Variants in UGT8 observed in about 807,000 individuals in gnomAD.
The protein encoded by UGT8 is 2-hydroxyacylsphingosine 1-beta-galactosyltransferase.
In UGT8, 12 loss-of-function variants were observed where a neutral mutation model predicts 40.5. The ratio of observed to expected loss-of-function variants is 0.30; its 90% CI spans 0.19 to 0.48. The LOEUF is 0.48. UGT8 is among the 20% of genes least tolerant of loss of function. The pLI is 0.99. For missense variants in UGT8, 513 were observed against 648.7 expected, an observed-to-expected ratio of 0.79 and a Z score of 2.27; for synonymous variants, 224 against 240.4, an observed-to-expected ratio of 0.93 and a Z score of 0.63.
chr4:114,616,225 C>G (rs1294724979), intron 1 of UGT8, among the ~76,000 whole-genome samples: 1 of 152,202 alleles, frequency 6.6e-6, no homozygotes, highest in Admixed American at 6.5e-5. Flanking sequence ...AGGCAGGCCT[C>G]CTTGAGCTGC....
At chr4:114,602,230 C>T (rs547140273) in intron 1 of UGT8, among the ~76,000 whole-genome samples, 8 of 152,160 alleles carry the variant, frequency 5.3e-5, no homozygotes, top group South Asian at 2.1e-4. Flanking sequence ...AGGCCCAGAT[C>T]GTCTTTGTTT....
At chr4:114,661,529 A>G (rs534117246) in intron 2 of UGT8, among the ~76,000 whole-genome samples, 17 of 152,152 alleles carry the variant, frequency 1.1e-4, no homozygotes, top group Non-Finnish European at 2.2e-4. Flanking sequence ...TGGCTCTTGC[A>G]TCTGTTCATG....
intron 2 of UGT8, among the ~76,000 whole-genome samples, chr4:114,655,024 T>C (rs1734092532): frequency 6.6e-6 from 1 of 152,044 alleles, no homozygotes; most frequent in Non-Finnish European, 1.5e-5. Flanking sequence ...TTTTACAAAA[T>C]AGACCACTTA....
intron 2 of UGT8, among the ~76,000 whole-genome samples, chr4:114,640,584 A>G (rs1733161706): frequency 6.6e-6 from 1 of 152,144 alleles, no homozygotes; most frequent in South Asian, 2.1e-4. Context: ...CACACTGCTG[A>G]TAAAGACATA....
chr4:114,608,921 A>G lies in UGT8; in HGVS notation c.-3+9947A>G, dbSNP rs1035132507. On this transcript the variant is annotated intron_variant, in intron 1 of 5. Transcript: ENST00000310836. ...TAATTGTCCAACTCCCCACTTCCCCATAGACCTTTTATAACAATTAAATCA... is the reference window on the plus strand; with the variant it reads ...TAATTGTCCAACTCCCCACTTCCCCGTAGACCTTTTATAACAATTAAATCA... 5.9e-5 allele frequency among the ~76,000 whole-genome samples: 9 copies of G among 152,332 alleles called. No homozygotes were observed. The South Asian group carries it at 1.9e-3, about 32-fold the overall frequency.
chr4:114,615,049 G>C (rs547698594), intron 1 of UGT8, among the ~76,000 whole-genome samples: 1 of 152,156 alleles, frequency 6.6e-6, no homozygotes, highest in East Asian at 1.9e-4. Flanking sequence ...AAAGATACAT[G>C]TTTAAAACGA....
intron 4 of UGT8, among the ~76,000 whole-genome samples, chr4:114,666,962 C>T (rs1215283481): frequency 1.3e-5 from 2 of 152,140 alleles, no homozygotes; most frequent in African/African-American, 4.8e-5. Flanking sequence ...CTTTCCCCTC[C>T]CCTCGTAGCC....
At chr4:114,651,647 A>T (rs759684991) in intron 2 of UGT8, among the ~76,000 whole-genome samples, 39 of 152,224 alleles carry the variant, frequency 2.6e-4, no homozygotes, top group Middle Eastern at 3.4e-3. Context: ...ATTCTCTGAC[A>T]CCCAGGATTA....
intron 2 of UGT8, among the ~76,000 whole-genome samples, chr4:114,628,294 C>A (rs1181414717): frequency 3.3e-5 from 5 of 151,942 alleles, no homozygotes; most frequent in Admixed American, 2.6e-4. Context: ...TGTATGTCAC[C>A]ACGCCTAGTT....
chr4:114,633,291 C>T (rs553821543), intron 2 of UGT8, among the ~76,000 whole-genome samples: 1 of 152,244 alleles, frequency 6.6e-6, no homozygotes, highest in Non-Finnish European at 1.5e-5. Flanking sequence ...TAATATGATG[C>T]ATATTTCCAA....
intron 2 of UGT8, among the ~76,000 whole-genome samples, chr4:114,626,021 G>T (rs1732192922): frequency 6.6e-6 from 1 of 152,150 alleles, no homozygotes; most frequent in Non-Finnish European, 1.5e-5. Flanking sequence ...TATATAGTAT[G>T]TGGACATAGA....
intron 2 of UGT8, among the ~76,000 whole-genome samples, chr4:114,661,478 T>C (rs897488643): frequency 1.3e-5 from 2 of 152,190 alleles, no homozygotes; most frequent in Non-Finnish European, 2.9e-5. Context: ...AATTTCAAAG[T>C]TTTGCCGTGA....
intron 3 of UGT8, among the ~76,000 whole-genome samples, chr4:114,664,968 T>C (rs1734764392): frequency 6.6e-6 from 1 of 152,208 alleles, no homozygotes; most frequent in Non-Finnish European, 1.5e-5. Context: ...CAGTGATATT[T>C]ATTTTATTCT....
intron 1 of UGT8, among the ~76,000 whole-genome samples, chr4:114,610,000 C>T (rs1242394841): frequency 6.6e-6 from 1 of 152,098 alleles, no homozygotes; most frequent in African/African-American, 2.4e-5. Context: ...GTCTAAGTAT[C>T]TAAGGCTTTA....
At chr4:114,660,831 C>G (rs1023865914) in intron 2 of UGT8, among the ~76,000 whole-genome samples, 4 of 149,008 alleles carry the variant, frequency 2.7e-5, no homozygotes, top group African/African-American at 1.0e-4. Flanking sequence ...GTGGAGCCTG[C>G]AGTAAGCCGA....
intron 2 of UGT8, among the ~76,000 whole-genome samples, chr4:114,633,960 T>C (rs1732734822): frequency 6.6e-6 from 1 of 151,660 alleles, no homozygotes; most frequent in Admixed American, 6.6e-5. Context: ...AAAGGATCAC[T>C]CTGGTTGCTT....
chr4:114,622,854 AGTT>A (rs1560675676), intron 1 of UGT8, 22 bp from the exon 2 acceptor site: 2 of 1,567,570 alleles, frequency 1.3e-6, no homozygotes, highest in South Asian at 2.4e-5. Context: ...TTTTGTTTTA[AGTT>A]GTTTTCTGGT....
At chr4:114,667,548 C>A (rs953402024) in intron 4 of UGT8, among the ~76,000 whole-genome samples, 2 of 152,076 alleles carry the variant, frequency 1.3e-5, no homozygotes, top group Non-Finnish European at 2.9e-5. Context: ...TAAAATTAAA[C>A]CTTAAAATTG....
chr4:114,645,128 T>C (rs1733488154), intron 2 of UGT8, among the ~76,000 whole-genome samples: 1 of 152,118 alleles, frequency 6.6e-6, no homozygotes, highest in African/African-American at 2.4e-5. Flanking sequence ...TTGAAGAACA[T>C]TCAATGAGCA....
Sources: allele counts gnomAD v4.1 joint callset (sites outside exome capture counted in the v4.1 genomes callset), GRCh38; gene constraint gnomAD v4.1.1; transcripts MANE v1.5; gene names NCBI Gene and HGNC (gene_info 2026-07-23, HGNC 2026-07-21).